PTPRD: variants seen among roughly 807,000 people sequenced by gnomAD.
PTPRD encodes protein tyrosine phosphatase receptor type D.
PTPRD carries 34 observed loss-of-function variants against 214.5 expected under a neutral mutation model. That is an observed-to-expected ratio of 0.16 (90% CI 0.12 to 0.21). PTPRD has a LOEUF of 0.21. PTPRD is among the 10% of genes least tolerant of loss of function. The pLI is 1.00. For synonymous variants in PTPRD, 1,128 were observed against 845.7 expected, an observed-to-expected ratio of 1.33 and a Z score of -5.79; for missense variants, 2,545 against 2,398.7, an observed-to-expected ratio of 1.06 and a Z score of -1.27.
intron 5 of PTPRD, among the ~76,000 whole-genome samples, chr9:9,837,003 A>G (rs1404501942): frequency 1.3e-5 from 2 of 152,188 alleles, no homozygotes; most frequent in Admixed American, 1.3e-4. Context: ...GATAAACATA[A>G]GTGAATGCAT....
chr9:8,391,422 G>A (rs1160112829), intron 36 of PTPRD, among the ~76,000 whole-genome samples: 1 of 152,130 alleles, frequency 6.6e-6, no homozygotes, highest in Non-Finnish European at 1.5e-5. Context: ...AGCAGTTGGG[G>A]TTTTGGCAGC....
chr9:8,620,058 C>T (rs190790595), intron 14 of PTPRD, among the ~76,000 whole-genome samples: 10 of 152,106 alleles, frequency 6.6e-5, no homozygotes, highest in Admixed American at 4.6e-4. Context: ...CAGACCTCTC[C>T]TTTAGGGCTA....
intron 10 of PTPRD, among the ~76,000 whole-genome samples, chr9:9,084,965 G>C (rs1591344628): frequency 6.6e-6 from 1 of 152,166 alleles, no homozygotes; most frequent in East Asian, 1.9e-4. Flanking sequence ...AGCACAGACA[G>C]GGAAAGATTA....
At chr9:9,868,665 C>T (rs145654913) in intron 5 of PTPRD, among the ~76,000 whole-genome samples, 1 of 151,652 alleles carries the variant, frequency 6.6e-6, no homozygotes, top group Non-Finnish European at 1.5e-5. Flanking sequence ...TGGCTAGTTT[C>T]AAGCAGGGTA....
At chr9:8,667,076 C>G (rs1307648093) in intron 12 of PTPRD, among the ~76,000 whole-genome samples, 1 of 152,208 alleles carries the variant, frequency 6.6e-6, no homozygotes, top group Non-Finnish European at 1.5e-5. Context: ...CCATGGCTCA[C>G]GCCTATAATC....
chr9:9,100,638 G>T (rs568277102), intron 10 of PTPRD, among the ~76,000 whole-genome samples: 1 of 152,070 alleles, frequency 6.6e-6, no homozygotes, highest in Non-Finnish European at 1.5e-5. Context: ...GACACAAACA[G>T]ATGTAAGCAT....
chr9:10,598,412 T>A (rs942808955), intron 2 of PTPRD, among the ~76,000 whole-genome samples: 3 of 151,702 alleles, frequency 2.0e-5, no homozygotes, highest in Non-Finnish European at 4.4e-5. Context: ...GGAAGGGACA[T>A]AATGGTAAAG....
chr9:8,466,229 G>T (rs1399259113), intron 31 of PTPRD, among the ~76,000 whole-genome samples: 1 of 151,812 alleles, frequency 6.6e-6, no homozygotes, highest in African/African-American at 2.4e-5. Context: ...AATAGACATT[G>T]TTACTCATTT....
At chr9:8,474,582 C>A (rs550132720) in intron 30 of PTPRD, among the ~76,000 whole-genome samples, 1 of 152,168 alleles carries the variant, frequency 6.6e-6, no homozygotes, top group Non-Finnish European at 1.5e-5. Context: ...GCCTTCAACA[C>A]GGCCTGGCAA....
In PTPRD at chr9:9,981,387, C is replaced by T. The variant is rs189104708; in HGVS notation, c.-471-42777G>A. On this transcript the variant is annotated intron_variant, in intron 4 of 45. Coordinates refer to ENST00000381196, the MANE Select transcript of PTPRD (RefSeq NM_002839.4). ...TTTTTTTTTTTAAGACAGAGTCTCA[C>T]TCTGTCGCCCAGGCTGGAGTGCAGT... 9.1e-3 allele frequency among the ~76,000 whole-genome samples: 1,301 copies of T among 143,602 alleles called. 17 individuals are homozygous for T. Among genetic ancestry groups the T allele is most frequent in the Non-Finnish European group, 0.014 (907 of 66,246 alleles). The allele number at this position is 143,602 out of a possible 152,430, so 94.2% of individuals were successfully genotyped here.
At chr9:10,118,829 G>A (rs2098751698) in intron 3 of PTPRD, among the ~76,000 whole-genome samples, 1 of 148,162 alleles carries the variant, frequency 6.7e-6, no homozygotes. Context: ...TCAAACCATA[G>A]GACAACTAGA....
chr9:10,443,991 C>G (rs191473665), intron 2 of PTPRD, among the ~76,000 whole-genome samples: 47 of 151,672 alleles, frequency 3.1e-4, no homozygotes, highest in African/African-American at 1.0e-3. Flanking sequence ...CTGATTGTGG[C>G]TTTCTTTAAA....
chr9:9,085,135 A>C (rs2099765123), intron 10 of PTPRD, among the ~76,000 whole-genome samples: 1 of 152,314 alleles, frequency 6.6e-6, no homozygotes, highest in African/African-American at 2.4e-5. Context: ...ATATATATTT[A>C]GTGATTTTTT....
chr9:8,318,672 A>AAATT (rs1824093223), intron 45 of PTPRD, among the ~76,000 whole-genome samples: 1 of 152,076 alleles, frequency 6.6e-6, no homozygotes, highest in African/African-American at 2.4e-5. Context: ...AAATACCTGT[A>AAATT]AATTCAGCCC....
At chr9:9,522,458 G>A (rs1418311498) in intron 8 of PTPRD, among the ~76,000 whole-genome samples, 2 of 152,084 alleles carry the variant, frequency 1.3e-5, no homozygotes, top group Non-Finnish European at 2.9e-5. Flanking sequence ...TTCAGCTATA[G>A]TAAAAACTTG....
rs561344578 is a variant in PTPRD, at chr9:8,619,081, G to C, written c.352+14236C>G. 7.9e-5 allele frequency among the ~76,000 whole-genome samples: 12 copies of C among 151,598 alleles called. 2 individuals are homozygous for C. Among genetic ancestry groups the C allele is most frequent in the African/African-American group, 2.7e-4 (11 of 41,374 alleles). On this transcript the variant is annotated intron_variant, in intron 14 of 45. Coordinates refer to ENST00000381196, the MANE Select transcript of PTPRD (RefSeq NM_002839.4). ...AGCCATACATTTATTTTTTAATTGAGACATAAAAGTGTATTTACCACATAC... is the reference window on the plus strand; with the variant it reads ...AGCCATACATTTATTTTTTAATTGACACATAAAAGTGTATTTACCACATAC...
At chr9:9,033,390 C>T (rs539322396) in intron 10 of PTPRD, among the ~76,000 whole-genome samples, 1 of 152,126 alleles carries the variant, frequency 6.6e-6, no homozygotes, top group Admixed American at 6.6e-5. Context: ...GACTAGAATC[C>T]CTATTTCCGC....
intron 14 of PTPRD, among the ~76,000 whole-genome samples, chr9:8,584,715 C>T (rs10977219): frequency 0.023 from 3,534 of 152,100 alleles, 109 homozygotes; most frequent in East Asian, 0.14. Flanking sequence ...GAAAATAATC[C>T]AGTACTGTAT....
At chr9:9,846,615 A>T (rs2059577276) in intron 5 of PTPRD, among the ~76,000 whole-genome samples, 11 of 152,162 alleles carry the variant, frequency 7.2e-5, no homozygotes. Context: ...AGCTAGGTGG[A>T]CTATGTCAAG....
Sources: allele counts gnomAD v4.1 joint callset (sites outside exome capture counted in the v4.1 genomes callset), GRCh38; gene constraint gnomAD v4.1.1; transcripts MANE v1.5; gene names NCBI Gene and HGNC (gene_info 2026-07-23, HGNC 2026-07-21).